DACH2: variants seen among roughly 807,000 people sequenced by gnomAD.
DACH2 encodes the protein dachshund family transcription factor 2, also known as dachshund homolog 2.
DACH2 carries 17 observed loss-of-function variants against 35.8 expected under a neutral mutation model. The observed-to-expected ratio is 0.48, with a 90% CI of 0.33 to 0.71. DACH2 has a LOEUF of 0.71. DACH2 is among the 30% of genes least tolerant of loss of function. The probability of loss-of-function intolerance (pLI) is 0.02; values close to 1 mark genes in which losing one functional copy is unlikely to be tolerated. For missense variants in DACH2, 469 were observed against 472.7 expected, an observed-to-expected ratio of 0.99 and a Z score of 0.07; for synonymous variants, 195 against 177.3, an observed-to-expected ratio of 1.10 and a Z score of -0.79.
chrX:86,771,808 C>G (rs941834289), intron 7 of DACH2, among the ~76,000 whole-genome samples: 3 of 111,810 alleles, frequency 2.7e-5, no homozygotes, highest in Admixed American at 9.5e-5. Context: ...CCATTCACCT[C>G]CTTATACACA....
intron 2 of DACH2, among the ~76,000 whole-genome samples, chrX:86,380,973 C>T (rs771701116): frequency 1.8e-5 from 2 of 110,321 alleles, no homozygotes; most frequent in Non-Finnish European, 3.8e-5. Flanking sequence ...CCTTGTATAA[C>T]ACAATTTGAT....
At chrX:86,598,809 T>G (rs751708100) in intron 3 of DACH2, among the ~76,000 whole-genome samples, 34 of 110,236 alleles carry the variant, frequency 3.1e-4, no homozygotes, top group South Asian at 1.6e-3. Context: ...TTTTTTTTTT[T>G]TGTGTTTATT....
At chrX:86,253,031 A>C (rs1031968223) in intron 1 of DACH2, among the ~76,000 whole-genome samples, 2 of 110,852 alleles carry the variant, frequency 1.8e-5, no homozygotes, top group Non-Finnish European at 3.8e-5. Context: ...AGACTCCTCC[A>C]AAAGGCCCCT....
At chrX:86,773,842 G>T (rs1445470921) in intron 7 of DACH2, among the ~76,000 whole-genome samples, 6 of 111,619 alleles carry the variant, frequency 5.4e-5, no homozygotes, top group Non-Finnish European at 1.1e-4. Context: ...TTCTGATCAT[G>T]CCCATTTAAC....
At chrX:86,651,778 T>G (rs758647115) in intron 4 of DACH2, among the ~76,000 whole-genome samples, 1 of 109,778 alleles carries the variant, frequency 9.1e-6, no homozygotes, top group East Asian at 2.8e-4. Flanking sequence ...TTGGCCTTGA[T>G]CATAAGACCC....
chrX:86,586,650 T>G (rs1448554562), intron 3 of DACH2, among the ~76,000 whole-genome samples: 1 of 111,842 alleles, frequency 8.9e-6, no homozygotes, highest in Non-Finnish European at 1.9e-5. Context: ...GTGACTAGAC[T>G]GTTATCCTGG....
chrX:86,301,310 CTTTGT>C (rs1316962683), intron 1 of DACH2, among the ~76,000 whole-genome samples: 1 of 111,795 alleles, frequency 8.9e-6, no homozygotes, highest in African/African-American at 3.2e-5. Context: ...GCAGAATTTT[CTTTGT>C]TTTATCAGTG....
intron 1 of DACH2, among the ~76,000 whole-genome samples, chrX:86,328,249 C>G (rs1208299708): frequency 9.0e-6 from 1 of 111,464 alleles, no homozygotes; most frequent in Non-Finnish European, 1.9e-5. Flanking sequence ...GTCTAGATAT[C>G]TGCCGTGTAT....
At chrX:86,661,653 G>A (rs749043919) in intron 4 of DACH2, among the ~76,000 whole-genome samples, 6 of 112,054 alleles carry the variant, frequency 5.4e-5, no homozygotes, top group African/African-American at 1.3e-4. Flanking sequence ...ACATCTGTGC[G>A]CAAGATTTGT....
intron 4 of DACH2, among the ~76,000 whole-genome samples, chrX:86,666,013 A>G (rs2040664400): frequency 1.8e-5 from 2 of 111,196 alleles, no homozygotes; most frequent in South Asian, 7.5e-4. Context: ...ATTTTCAGAA[A>G]ACTCATCATC....
intron 7 of DACH2, among the ~76,000 whole-genome samples, chrX:86,787,661 T>C (rs1474807661): frequency 9.1e-6 from 1 of 110,172 alleles, no homozygotes; most frequent in Non-Finnish European, 1.9e-5. Context: ...TCAGCACTTA[T>C]TTTCCAGTGT....
rs2042412656 is a variant in DACH2 at position 86,813,296 on chromosome X, A to G, written c.1537+19A>G. ...AGCAGAAGTAAGTTTTACAAGTTCA[A>G]TTACAGAGTGAATATTATGTTGGGG... is the stretch of plus-strand genomic sequence containing the variant. On this transcript the variant is annotated intron_variant, in intron 9 of 11. Coordinates refer to ENST00000373125, the MANE Select transcript of DACH2 (RefSeq NM_053281.3). 2 of 1,172,375 alleles carry G rather than the reference A, an allele frequency of 1.7e-6. No homozygotes were observed. Among genetic ancestry groups the G allele is most frequent in the East Asian group, 3.0e-5 (1 of 33,360 alleles).
At chrX:86,583,063 G>A (rs1269621567) in intron 3 of DACH2, among the ~76,000 whole-genome samples, 1 of 111,352 alleles carries the variant, frequency 9.0e-6, no homozygotes, top group African/African-American at 3.3e-5. Context: ...TTCAACATAA[G>A]CAAATTAATA....
intron 3 of DACH2, among the ~76,000 whole-genome samples, chrX:86,541,650 A>G (rs997318541): frequency 1.8e-5 from 2 of 111,716 alleles, no homozygotes; most frequent in African/African-American, 6.5e-5. Context: ...AATAATATTT[A>G]ATTCATTTGA....
chrX:86,154,247 A>G (rs2030465727), intron 1 of DACH2, among the ~76,000 whole-genome samples: 1 of 111,576 alleles, frequency 9.0e-6, no homozygotes, highest in African/African-American at 3.2e-5. Flanking sequence ...ATTTAGAGAT[A>G]CAAATGATTT....
intron 11 of DACH2, among the ~76,000 whole-genome samples, chrX:86,819,410 C>T (rs1160724469): frequency 2.7e-5 from 3 of 110,448 alleles, no homozygotes; most frequent in African/African-American, 6.6e-5. Context: ...ATAAACATAC[C>T]GAGTGTCATT....
At chrX:86,608,916 T>C (rs1490280766) in intron 3 of DACH2, among the ~76,000 whole-genome samples, 1 of 111,923 alleles carries the variant, frequency 8.9e-6, no homozygotes, top group Non-Finnish European at 1.9e-5. Context: ...CCTTGTTCTT[T>C]GGAAGTTTGA....
intron 7 of DACH2, among the ~76,000 whole-genome samples, chrX:86,796,341 C>A (rs764236949): frequency 9.0e-6 from 1 of 111,326 alleles, no homozygotes; most frequent in Non-Finnish European, 1.9e-5. Flanking sequence ...ACACAGAGCG[C>A]TCCTTGGTGT....
chrX:86,504,277 T>C (rs1018421124), intron 2 of DACH2, among the ~76,000 whole-genome samples: 3 of 110,928 alleles, frequency 2.7e-5, no homozygotes, highest in African/African-American at 9.8e-5. Flanking sequence ...AGCAGCATTT[T>C]TGAGTCCACA....
Sources: gnomAD v4.1 joint callset for allele counts (sites outside exome capture counted in the v4.1 genomes callset) on GRCh38, gnomAD v4.1.1 for gene constraint, MANE v1.5 for transcripts, NCBI Gene and HGNC (gene_info 2026-07-23, HGNC 2026-07-21) for gene names.